Variants in CNST observed in about 807,000 individuals in gnomAD.
CNST encodes consortin, connexin sorting protein, also known as consortin.
Under a neutral mutation model 72.4 loss-of-function variants are expected in CNST, and 39 were observed. The observed-to-expected ratio is 0.54, with a 90% CI of 0.42 to 0.70. The LOEUF (loss-of-function observed/expected upper bound fraction) is 0.70. Among genes scored for constraint, CNST ranks in the 30% least tolerant of loss-of-function variants. The pLI is 0.00. For synonymous variants in CNST, 332 were observed against 320.1 expected (o/e 1.04, Z -0.40); for missense variants, 871 against 868.5 (o/e 1.00, Z -0.04).
intron 9 of CNST, among the ~76,000 whole-genome samples, chr1:246,652,641 T>A (rs896164488): frequency 6.6e-6 from 1 of 152,198 alleles, no homozygotes; most frequent in South Asian, 2.1e-4. Context: ...TGATTTTTGT[T>A]TTTAGAAATA....
At chr1:246,634,632 TGAA>T (rs765714447) in intron 6 of CNST, 45 bp downstream of exon 6, 9 of 1,018,716 alleles carry the variant, frequency 8.8e-6, no homozygotes, top group African/African-American at 1.6e-5. Context: ...AGTAGAATAT[TGAA>T]GAAGCATTAT....
intron 6 of CNST, among the ~76,000 whole-genome samples, chr1:246,638,119 C>T (rs116064907): frequency 0.03 from 4,547 of 152,126 alleles, 221 homozygotes; most frequent in African/African-American, 0.1. Flanking sequence ...GGTTTGTAGC[C>T]GACATGGAAA....
chr1:246,641,773 A>G lies in CNST; in HGVS notation c.840+3A>G. ...GTCCTCTTTTATCCAAACATAAGGT[A>G]AGAGATTGTTTCTTTTGAATATATT... is the stretch of plus-strand genomic sequence containing the variant. On this transcript the variant is annotated splice_donor_region_variant and intron_variant, in intron 7 of 10. Transcript: ENST00000366513. 1 of 1,347,230 alleles carries G rather than the reference A, an allele frequency of 7.4e-7. No homozygotes were observed. The highest frequency in any genetic ancestry group is 1.1e-6 in the Non-Finnish European group (1 of 948,902). The allele number at this position is 1,347,230 out of a possible 1,614,324, so 83.5% of individuals were successfully genotyped here.
chr1:246,646,624 G>T (rs1012380479), intron 8 of CNST, among the ~76,000 whole-genome samples: 1 of 152,076 alleles, frequency 6.6e-6, no homozygotes, highest in African/African-American at 2.4e-5. Flanking sequence ...GGGATTACAG[G>T]CATGTGCCAC....
At chr1:246,646,562 C>T (rs1666088145) in intron 8 of CNST, among the ~76,000 whole-genome samples, 1 of 152,068 alleles carries the variant, frequency 6.6e-6, no homozygotes, top group African/African-American at 2.4e-5. Flanking sequence ...GTAACCGCAG[C>T]CTCCGCCTCC....
At chr1:246,636,891 T>C (rs1284967754) in intron 6 of CNST, among the ~76,000 whole-genome samples, 3 of 152,112 alleles carry the variant, frequency 2.0e-5, no homozygotes, top group African/African-American at 7.2e-5. Context: ...TCCTCTGTGG[T>C]GGAAAGACTG....
intron 2 of CNST, among the ~76,000 whole-genome samples, chr1:246,593,334 T>C (rs1439926695): frequency 4.7e-5 from 7 of 150,008 alleles, no homozygotes; most frequent in Non-Finnish European, 1.0e-4. Context: ...TTTTTTTTTC[T>C]TTTTTTTGAG....
chr1:246,661,007 T>C lies in CNST; in HGVS notation c.1972+673T>C, dbSNP rs1281557352. Among the ~76,000 whole-genome samples, 3 of 152,144 alleles carry C rather than the reference T, an allele frequency of 2.0e-5. No homozygotes were observed. The East Asian group carries it at 5.8e-4, about 29-fold the overall frequency. ...TTTTTTTTAAGACGGTCTTGCTCTG[T>C]CACCCAGGCTGGATTGCAGTGGCGC... On this transcript the variant is annotated intron_variant, in intron 10 of 10. Transcript: ENST00000366513.
chr1:246,576,107 C>T (rs1572111971), intron 1 of CNST, among the ~76,000 whole-genome samples: 1 of 147,828 alleles, frequency 6.8e-6, no homozygotes, highest in South Asian at 2.2e-4. Flanking sequence ...TGGTGGCGGG[C>T]GCCTGTAATC....
chr1:246,605,145 C>A (rs1357698879), intron 2 of CNST, among the ~76,000 whole-genome samples: 1 of 152,116 alleles, frequency 6.6e-6, no homozygotes, highest in East Asian at 1.9e-4. Context: ...TTGGAATGAA[C>A]AGGGAAAATA....
Position 246,585,664 on chromosome 1 carries a change from TATACACACACACACACAC to T in CNST, c.-51-5846_-51-5829del, listed in dbSNP as rs1202828636. Among the ~76,000 whole-genome samples, 92 of 39,628 alleles carry T rather than the reference TATACACACACACACACAC, an allele frequency of 2.3e-3. 1 individual carries two copies. The highest frequency in any genetic ancestry group is 2.7e-3 in the African/African-American group (23 of 8,386). The allele number at this position is 39,628 out of a possible 152,430, so 26.0% of individuals were successfully genotyped here. A position where few individuals can be genotyped will look rare whatever the true frequency, so the allele number is the denominator to read the frequency against. ...CTCAAAAAAAAAAAAAAAAAAAAAA[TATACACACACACACACAC>T]ACACACACACACACACACACACACA... On this transcript the variant is annotated intron_variant, in intron 1 of 10. Transcript: ENST00000366513.
intron 1 of CNST, among the ~76,000 whole-genome samples, chr1:246,585,907 C>G (rs1344451953): frequency 6.6e-6 from 1 of 151,746 alleles, no homozygotes; most frequent in Non-Finnish European, 1.5e-5. Context: ...TAGTGAGACT[C>G]TGTTTCTACA....
Position 246,621,610 on chromosome 1 carries a change from A to C in CNST, c.561A>C (p.Arg187Ser). The C allele has an allele frequency of 6.2e-7, 1 of 1,614,044 alleles. No individual in the cohort carries two copies. Among genetic ancestry groups the C allele is most frequent in the South Asian group, 1.1e-5 (1 of 91,078 alleles). Residue 187 changes from arginine to serine, a missense_variant, in exon 3 of 11, where the codon AGA becomes AGC. By Grantham distance (110) the Arg-to-Ser change is moderately radical. Transcript: ENST00000366513. ...IRGEVEQLDS[R>S]ALPLCLHQIA... ...GTGAAGTTGAGCAGTTGGATTCAAG[A>C]GCACTTCCCCTTTGCCTTCATCAGG...
At chr1:246,660,496 CG>C (rs1558600856) in intron 10 of CNST, among the ~76,000 whole-genome samples, 162 bp downstream of exon 10, 2 of 152,150 alleles carry the variant, frequency 1.3e-5, no homozygotes, top group African/African-American at 4.8e-5. Flanking sequence ...GAGGCTCAGG[CG>C]GGCAGATCAC....
chr1:246,637,998 A>G (rs1031397065), intron 6 of CNST, among the ~76,000 whole-genome samples: 1 of 152,152 alleles, frequency 6.6e-6, no homozygotes, highest in African/African-American at 2.4e-5. Context: ...CGGTGGCCAG[A>G]GGGAGCCCTG....
At chr1:246,649,029 ACTTTT>A (rs1666294349) in intron 9 of CNST, among the ~76,000 whole-genome samples, 1 of 152,190 alleles carries the variant, frequency 6.6e-6, no homozygotes, top group Admixed American at 6.5e-5. Flanking sequence ...ATAAACAATG[ACTTTT>A]CTTTTTAATT....
intron 4 of CNST, among the ~76,000 whole-genome samples, 180 bp from the exon 5 acceptor site, chr1:246,633,744 A>AG (rs897391924): frequency 4.0e-5 from 6 of 151,072 alleles, no homozygotes; most frequent in Non-Finnish European, 8.8e-5. Context: ...TTCCATCTCA[A>AG]GGAAAAAAAA....
At chr1:246,658,703 C>G (rs1286782354) in intron 9 of CNST, among the ~76,000 whole-genome samples, 6 of 152,116 alleles carry the variant, frequency 3.9e-5, no homozygotes, top group African/African-American at 1.4e-4. Flanking sequence ...TCAGCTTAGT[C>G]ACTGAGGCCA....
intron 9 of CNST, among the ~76,000 whole-genome samples, chr1:246,659,945 C>T (rs1205674360): frequency 2.0e-5 from 3 of 152,166 alleles, no homozygotes; most frequent in East Asian, 1.9e-4. Context: ...CGACTGAACA[C>T]GTCATGCTGC....
Sources: allele counts gnomAD v4.1 joint callset (sites outside exome capture counted in the v4.1 genomes callset), GRCh38; gene constraint gnomAD v4.1.1; transcripts MANE v1.5; gene names NCBI Gene and HGNC (gene_info 2026-07-23, HGNC 2026-07-21).